The following EVI5L variants were observed in gnomAD, a reference collection of about 807,000 sequenced individuals.
EVI5L encodes EVI5-like protein.
A neutral mutation model predicts 106.1 loss-of-function variants in EVI5L; 30 were observed. The ratio of observed to expected loss-of-function variants is 0.28; its 90% CI spans 0.21 to 0.38. The LOEUF (loss-of-function observed/expected upper bound fraction) is 0.38. EVI5L is among the 10% of genes least tolerant of loss of function. The pLI is 1.00. For missense variants in EVI5L, 809 were observed against 1,098.0 expected, an observed-to-expected ratio of 0.74 and a Z score of 3.72; for synonymous variants, 489 against 483.3, an observed-to-expected ratio of 1.01 and a Z score of -0.15.
In EVI5L at chr19:7,863,648, A is replaced by G. The variant is rs1979973144; in HGVS notation, c.2364A>G (p.Ser788=). Residue 788 remains serine, a synonymous_variant, in exon 20 of 20, where the codon TCA becomes TCG. Coordinates refer to ENST00000538904, the MANE Select transcript of EVI5L (RefSeq NM_001159944.3). This position sits in a 1 kb window ranked among gnomAD's most constrained non-coding sequence, Gnocchi z 7.7. ...ERPAKDSEGS[S]DSDADELAAP... is the part of the protein sequence containing the mutation. ...CGGCCAAGGACAGCGAGGGCAGCTC[A>G]GACAGCGACGCCGATGAGCTGGCCG... 2.6e-6 allele frequency: 4 copies of G among 1,542,402 alleles called. No homozygotes were observed. Among genetic ancestry groups the G allele is most frequent in the Non-Finnish European group, 2.6e-6 (3 of 1,145,180 alleles).
In EVI5L at chr19:7,861,980, C is replaced by T. The variant is rs767315602; in HGVS notation, c.1606C>T (p.Leu536Phe). The change falls in exon 15 of 20, where the codon CTT becomes TTT. Residue 536 changes from leucine to phenylalanine, a missense_variant. By Grantham distance (22) the Leu-to-Phe change is conservative. This residue lies in a region of EVI5L where 452 missense variants were observed against 509.9 expected (regional missense o/e 0.89). Coordinates refer to ENST00000538904, the MANE Select transcript of EVI5L (RefSeq NM_001159944.3). ...CCAGGCGGTGGCCTCGACGCGAGAG[C>T]TTAAACTGCAGCTGCAGGAGCTCTC... The part of the protein sequence containing the change: ...EGQAVASTRE[L>F]KLQLQELSDT... 89 of 1,549,298 alleles carry T rather than the reference C, an allele frequency of 5.7e-5. No homozygotes were observed. The highest frequency in any genetic ancestry group is 1.7e-4 in the Middle Eastern group (1 of 5,846).
chr19:7,855,960 C>A, intron 10 of EVI5L, 55 bp from the exon 11 acceptor site: 1 of 1,311,110 alleles, frequency 7.6e-7, no homozygotes, highest in Non-Finnish European at 9.8e-7. Flanking sequence ...ATGAGGGGTG[C>A]ATGTAGACAG....
chr19:7,852,795 C>A (rs750354838), intron 8 of EVI5L: 30 of 372,658 alleles, frequency 8.1e-5, no homozygotes, highest in Non-Finnish European at 1.2e-4. Context: ...CTATTTATTT[C>A]TCCCACCTCA....
chr19:7,856,591 A>G lies in EVI5L; in HGVS notation c.1201-501A>G, dbSNP rs985538470. Among the ~76,000 whole-genome samples, 1 of 151,918 alleles carries G rather than the reference A, an allele frequency of 6.6e-6. No individual in the cohort carries two copies. The highest frequency in any genetic ancestry group is 2.4e-5 in the African/African-American group (1 of 41,366). On this transcript the variant is annotated intron_variant, in intron 11 of 19. Transcript: ENST00000538904. The surrounding 1 kb of genome is among the most constrained non-coding windows in gnomAD (Gnocchi z 6.6). ...TGAGCCCCAGCCCCGGGAGCCCCCA[A>G]TTCCTGCTCCTCACTCGTCCTCACT...
intron 1 of EVI5L, among the ~76,000 whole-genome samples, chr19:7,833,684 T>A (rs1978306452): frequency 6.6e-6 from 1 of 152,204 alleles, no homozygotes; most frequent in Admixed American, 6.5e-5. Context: ...CGTGTCCCTG[T>A]ACTTCCTTTG....
rs1979644628 is a variant in EVI5L at position 7,858,442 on chromosome 19, T to C, written c.1374+111T>C. The C allele has an allele frequency of 7.5e-7, 1 of 1,338,964 alleles. No homozygotes were observed. Among genetic ancestry groups the C allele is most frequent in the Non-Finnish European group, 9.8e-7 (1 of 1,024,308 alleles). The allele number at this position is 1,338,964 out of a possible 1,614,324, so 82.9% of individuals were successfully genotyped here. ...TCTGCCCCGCCTCAGCACCTGGCCC[T>C]CCTGTTCCTTTCTGGGGTAAGGGGA... On this transcript the variant is annotated intron_variant, in intron 13 of 19. Transcript: ENST00000538904. This position sits in a 1 kb window ranked among gnomAD's most constrained non-coding sequence, Gnocchi z 5.7.
Position 7,843,392 on chromosome 19 carries a change from C to T in EVI5L, c.-47-3104C>T, listed in dbSNP as rs111165034. ...TAGGCATGGGTGTGTCGAGTGTGTGCATAGGTGTGTGAGTGTGAGAATAGG... is the reference window on the plus strand; with the variant it reads ...TAGGCATGGGTGTGTCGAGTGTGTGTATAGGTGTGTGAGTGTGAGAATAGG... On this transcript the variant is annotated intron_variant, in intron 1 of 19. Coordinates refer to ENST00000538904, the MANE Select transcript of EVI5L (RefSeq NM_001159944.3). Among the ~76,000 whole-genome samples the T allele has an allele frequency of 2.3e-4, 25 of 107,200 alleles. 1 individual carries two copies. The East Asian group carries it at 2.3e-3, about 10-fold the overall frequency. The allele number at this position is 107,200 out of a possible 152,430, so 70.3% of individuals were successfully genotyped here. A position where few individuals can be genotyped will look rare whatever the true frequency, so the allele number is the denominator to read the frequency against.
chr19:7,857,635 G>A lies in EVI5L; in HGVS notation c.1233+511G>A, dbSNP rs760905402. 2.2e-5 allele frequency: 4 copies of A among 180,958 alleles called. No individual in the cohort carries two copies. The highest frequency in any genetic ancestry group is 4.8e-5 in the African/African-American group (2 of 42,054). The allele number at this position is 180,958 out of a possible 1,614,324, so 11.2% of individuals were successfully genotyped here. ...TGGCTTTATCTGGAAGCTGCCACCC[G>A]CCACCTGGTGGCTTTGAGCCTGGAA... is the stretch of plus-strand genomic sequence containing the variant. On this transcript the variant is annotated intron_variant, in intron 12 of 19. Coordinates refer to ENST00000538904, the MANE Select transcript of EVI5L (RefSeq NM_001159944.3). This position sits in a 1 kb window ranked among gnomAD's most constrained non-coding sequence, Gnocchi z 4.5.
In EVI5L at chr19:7,846,584, G is replaced by A. The variant is rs745977844; in HGVS notation, c.42G>A (p.Glu14=). 1.2e-6 allele frequency: 2 copies of A among 1,613,700 alleles called. No individual in the cohort carries two copies. Among genetic ancestry groups the A allele is most frequent in the African/African-American group, 1.3e-5 (1 of 74,934 alleles). The change falls in exon 2 of 20, where the codon GAG becomes GAA. Residue 14 remains glutamate (E), a synonymous_variant. Coordinates refer to ENST00000538904, the MANE Select transcript of EVI5L (RefSeq NM_001159944.3). ...TGAGCCCCGACTCCTCATCCCAGGAGGCCCTGTCGGCCCCCACCTGCTCCC... is the reference window on the plus strand; with the variant it reads ...TGAGCCCCGACTCCTCATCCCAGGAAGCCCTGTCGGCCCCCACCTGCTCCC... ...PTLSPDSSSQ[E]ALSAPTCSPT...
At chr19:7,843,466 G>A (rs910979270) in intron 1 of EVI5L, among the ~76,000 whole-genome samples, 6 of 148,448 alleles carry the variant, frequency 4.0e-5, no homozygotes, top group Non-Finnish European at 5.9e-5. Context: ...GTGTGTGTGA[G>A]AATAGGCATG....
chr19:7,837,476 C>T (rs1210920396), intron 1 of EVI5L, among the ~76,000 whole-genome samples: 1 of 152,114 alleles, frequency 6.6e-6, no homozygotes, highest in Non-Finnish European at 1.5e-5. Context: ...TCATATGATA[C>T]ATTTGTTGTA....
intron 1 of EVI5L, among the ~76,000 whole-genome samples, chr19:7,843,405 G>A (rs1483760631): frequency 4.3e-5 from 4 of 91,960 alleles, no homozygotes; most frequent in Non-Finnish European, 7.0e-5. Context: ...AGGTGTGTGA[G>A]TGTGAGAATA....
rs749272804 is a variant in EVI5L at position 7,863,617 on chromosome 19, A to T, written c.2333A>T (p.Glu778Val). The change falls in exon 20 of 20, where the codon GAG (glutamate) becomes GTG (valine). Residue 778 changes from glutamate to valine, a missense_variant. Physicochemically the swap from Glu to Val is moderately radical, Grantham distance 121. This residue lies in a region of EVI5L where 452 missense variants were observed against 509.9 expected (regional missense o/e 0.89). Transcript: ENST00000538904. The surrounding 1 kb of genome is among the most constrained non-coding windows in gnomAD (Gnocchi z 7.7). ...PRDARFFRRL[E>V]RPAKDSEGSS... ...GATGCGCGCTTCTTCCGCCGTCTGG[A>T]GCGGCCGGCCAAGGACAGCGAGGGC... 1 of 1,561,888 alleles carries T rather than the reference A, an allele frequency of 6.4e-7. No individual in the cohort carries two copies. Among genetic ancestry groups the T allele is most frequent in the Non-Finnish European group, 8.7e-7 (1 of 1,154,218 alleles).
In EVI5L at chr19:7,849,987, T is replaced by TC. The variant is rs1275775269; in HGVS notation, c.628-4dup. On this transcript the variant is annotated splice_polypyrimidine_tract_variant and intron_variant, in intron 5 of 19. Coordinates refer to ENST00000538904, the MANE Select transcript of EVI5L (RefSeq NM_001159944.3). The stretch of plus-strand genomic sequence containing the variant: ...TGCCCTGAGCCCCCCCACCTGCCCG[T>TC]CCCCCCTAGATGCCTGAGGAGGAGG... The TC allele has an allele frequency of 2.5e-6, 4 of 1,573,924 alleles. No individual in the cohort carries two copies. The highest frequency in any genetic ancestry group is 3.6e-5 in the Admixed American group (2 of 55,440).
chr19:7,855,927 G>A, intron 10 of EVI5L, 88 bp from the exon 11 acceptor site: 2 of 1,220,852 alleles, frequency 1.6e-6, no homozygotes, highest in Non-Finnish European at 2.1e-6. Flanking sequence ...GGCCCTAAGG[G>A]GACTGACCCC....
Position 7,858,085 on chromosome 19 carries a change from C to T in EVI5L, c.1234-106C>T, listed in dbSNP as rs547837352. ...AGTACGGGAGGCCCCCACCTCACTTCCCCCCACCTCCACTCTCTGGGCCTC... is the reference window on the plus strand; with the variant it reads ...AGTACGGGAGGCCCCCACCTCACTTTCCCCCACCTCCACTCTCTGGGCCTC... On this transcript the variant is annotated intron_variant, in intron 12 of 19. Coordinates refer to ENST00000538904, the MANE Select transcript of EVI5L (RefSeq NM_001159944.3). This position sits in a 1 kb window ranked among gnomAD's most constrained non-coding sequence, Gnocchi z 5.7. The T allele has an allele frequency of 4.0e-4, 544 of 1,360,782 alleles. 6 individuals are homozygous for T. The South Asian group carries it at 7.3e-3, about 18-fold the overall frequency. 84.3% of individuals were successfully genotyped at this position (1,360,782 alleles called of 1,614,324 possible). A position where few individuals can be genotyped will look rare whatever the true frequency, so the allele number is the denominator to read the frequency against.
chr19:7,861,452 G>C (rs1979795920), intron 14 of EVI5L, among the ~76,000 whole-genome samples: 1 of 152,220 alleles, frequency 6.6e-6, no homozygotes, highest in Admixed American at 6.5e-5. Flanking sequence ...ACCAGGACAG[G>C]GCCAAGGCTG....
Position 7,862,157 on chromosome 19 carries a change from C to G in EVI5L, c.1680C>G (p.Ser560=). The change falls in exon 16 of 20, where the codon TCC becomes TCG. Residue 560 remains serine (S), a synonymous_variant. Transcript: ENST00000538904. Reference sequence around the variant, plus strand: ...CCCGCGGCGGCCGCTGGAAGGAGTCCCCACGGAAGCTGGTCGTGGGCGAGC... The same window carrying G: ...CCCGCGGCGGCCGCTGGAAGGAGTCGCCACGGAAGCTGGTCGTGGGCGAGC... The part of the protein sequence containing the change: ...HLARGGRWKE[S]PRKLVVGELQ... 3.8e-6 allele frequency: 6 copies of G among 1,576,696 alleles called. No individual in the cohort carries two copies. The highest frequency in any genetic ancestry group is 5.1e-6 in the Non-Finnish European group (6 of 1,166,160).
intron 1 of EVI5L, among the ~76,000 whole-genome samples, chr19:7,832,304 G>A (rs1978296879): frequency 1.3e-5 from 2 of 152,200 alleles, no homozygotes; most frequent in African/African-American, 4.8e-5. Context: ...GCGAGGAGCC[G>A]GGCCGGTCCA....
Sources: allele counts gnomAD v4.1 joint callset (sites outside exome capture counted in the v4.1 genomes callset), GRCh38; gene constraint gnomAD v4.1.1; regional missense constraint gnomAD v4.1.1; non-coding constraint Gnocchi (gnomAD v3.1); transcripts MANE v1.5; gene names NCBI Gene and HGNC (gene_info 2026-07-23, HGNC 2026-07-21).